The following SYBU variants were observed in gnomAD, a reference collection of about 807,000 sequenced individuals.
The protein encoded by SYBU is GOLSYN A protein.
Under a neutral mutation model 35.9 loss-of-function variants are expected in SYBU, and 21 were observed. The observed-to-expected ratio is 0.58, with a 90% CI of 0.41 to 0.84. SYBU has a LOEUF of 0.84. SYBU is among the 40% of genes least tolerant of loss of function. The pLI is 0.00. For missense variants in SYBU, 768 were observed against 848.2 expected, an observed-to-expected ratio of 0.91 and a Z score of 1.17; for synonymous variants, 319 against 324.3, an observed-to-expected ratio of 0.98 and a Z score of 0.18.
chr8:109,622,181 GTATCTATCTATCTATC>G (rs33965004), intron 2 of SYBU, among the ~76,000 whole-genome samples: 131 of 146,478 alleles, frequency 8.9e-4, no homozygotes, highest in African/African-American at 3.0e-3. Context: ...AATAATATGA[GTATCTATCTATCTATC>G]TATCTATCTA....
intron 1 of SYBU, among the ~76,000 whole-genome samples, chr8:109,658,157 T>C (rs1453179064): frequency 2.0e-5 from 3 of 152,182 alleles, no homozygotes; most frequent in African/African-American, 7.2e-5. Context: ...ATCTTAACTA[T>C]GAGTAGGATG....
chr8:109,661,608 G>A (rs749482035), intron 1 of SYBU, among the ~76,000 whole-genome samples: 1 of 152,186 alleles, frequency 6.6e-6, no homozygotes, highest in African/African-American at 2.4e-5. Context: ...TGAAGTTAAT[G>A]TGAATAGTGC....
intron 2 of SYBU, among the ~76,000 whole-genome samples, chr8:109,626,784 C>T (rs990638760): frequency 6.6e-6 from 1 of 152,152 alleles, no homozygotes; most frequent in Admixed American, 6.5e-5. Flanking sequence ...ATAGTGCATA[C>T]CTGTAGTCCC....
intron 3 of SYBU, chr8:109,607,805 A>AACACACAC (rs1157913419): frequency 0.011 from 3,514 of 331,642 alleles, 23 homozygotes; most frequent in Non-Finnish European, 0.012. Context: ...TACCACAACT[A>AACACACAC]ACTCACACAC....
rs773061900 is a variant in SYBU, at chr8:109,575,145, C to T, written c.1753G>A (p.Glu585Lys). 1.2e-6 allele frequency: 2 copies of T among 1,614,240 alleles called. No homozygotes were observed. Among genetic ancestry groups the T allele is most frequent in the Non-Finnish European group, 1.7e-6 (2 of 1,180,038 alleles). ...RELDFAACVE[E>K]RLDGVIPLAR... ...AGTGGGATGACACCATCCAACCTCT[C>T]TTCCACGCAGGCTGCAAAATCCAGC... The change falls in exon 7 of 7, where the codon GAG becomes AAG. Residue 585 changes from glutamate (E) to lysine (K), a missense_variant. Glu to Lys is a moderately conservative substitution (Grantham distance 56). Transcript: ENST00000276646.
At chr8:109,619,094 G>A in intron 2 of SYBU, 55 bp from the exon 3 acceptor site, 1 of 1,419,774 alleles carries the variant, frequency 7.0e-7, no homozygotes, top group East Asian at 2.3e-5. Flanking sequence ...CAATGATGGT[G>A]AGAAGCCATG....
At position 109,575,342 on chromosome 8, in the gene SYBU, G is replaced by T; in HGVS notation, c.1556C>A (p.Ala519Glu). 1 of 1,614,136 alleles carries T rather than the reference G, an allele frequency of 6.2e-7. No individual in the cohort carries two copies. The highest frequency in any genetic ancestry group is 8.5e-7 in the Non-Finnish European group (1 of 1,180,020). ...GTCTGGTTCAGACTCATCAGGGGAC[G>T]CCAAGCTCGAGGGACAGGGGTCCTG... The part of the protein sequence containing the change: ...KLQDPCPSSL[A>E]SPDESEPDSM... The change falls in exon 7 of 7, where the codon GCG (alanine) becomes GAG (glutamate). Residue 519 changes from alanine (A) to glutamate (E), a missense_variant. Ala to Glu is a moderately radical substitution (Grantham distance 107, BLOSUM62 -1). Coordinates refer to ENST00000276646, the MANE Select transcript of SYBU (RefSeq NM_001099754.2).
intron 2 of SYBU, among the ~76,000 whole-genome samples, chr8:109,638,514 T>G (rs1016853062): frequency 5.3e-5 from 8 of 151,146 alleles, no homozygotes; most frequent in African/African-American, 1.7e-4. Context: ...AAACGCTGGT[T>G]TAAACAAACA....
At chr8:109,663,450 T>C (rs1270727361) in intron 1 of SYBU, among the ~76,000 whole-genome samples, 1 of 152,180 alleles carries the variant, frequency 6.6e-6, no homozygotes, top group African/African-American at 2.4e-5. Context: ...ATAACTTGCA[T>C]AAATATTCCA....
chr8:109,677,063 G>T (rs577449628), intron 1 of SYBU, among the ~76,000 whole-genome samples: 3 of 149,172 alleles, frequency 2.0e-5, no homozygotes, highest in Admixed American at 6.7e-5. Context: ...TGTGAAGGAA[G>T]ATATAGGAAA....
intron 1 of SYBU, among the ~76,000 whole-genome samples, chr8:109,676,351 CT>C (rs1196555595): frequency 6.6e-6 from 1 of 152,160 alleles, no homozygotes; most frequent in African/African-American, 2.4e-5. Flanking sequence ...CAAATTGTCT[CT>C]GTTTGCAGGT....
intron 3 of SYBU, among the ~76,000 whole-genome samples, chr8:109,608,862 G>A (rs990215724): frequency 6.6e-6 from 1 of 152,114 alleles, no homozygotes; most frequent in South Asian, 2.1e-4. Flanking sequence ...TGCCAACACC[G>A]ATTTTTGCTA....
At chr8:109,679,095 C>T (rs769226440) in intron 1 of SYBU, among the ~76,000 whole-genome samples, 2 of 152,148 alleles carry the variant, frequency 1.3e-5, no homozygotes, top group Non-Finnish European at 2.9e-5. Flanking sequence ...TTCTGGTCAT[C>T]CTTACTGCTC....
At chr8:109,645,633 G>GTTTGTTT (rs1815600129), upstream of SYBU, 1 of 217,766 alleles carries the variant, frequency 4.6e-6, no homozygotes, top group African/African-American at 2.7e-5. Flanking sequence ...TTCGTTTTTT[G>GTTTGTTT]TTTTTTTTTT....
intron 2 of SYBU, among the ~76,000 whole-genome samples, chr8:109,629,192 A>G (rs1279084190): frequency 1.3e-5 from 2 of 152,322 alleles, no homozygotes; most frequent in East Asian, 3.9e-4. Context: ...TGGAAGTGCA[A>G]CAGAAACTGC....
rs1822823810 is a variant in SYBU, at chr8:109,579,931, T to A, written c.602A>T (p.Glu201Val). The A allele has an allele frequency of 1.2e-6, 2 of 1,614,020 alleles. No individual in the cohort carries two copies. The highest frequency in any genetic ancestry group is 2.2e-5 in the East Asian group (1 of 44,864). The change falls in exon 5 of 7, where the codon GAA (glutamate) becomes GTA (valine). Residue 201 changes from glutamate to valine, a missense_variant. Physicochemically the swap from Glu to Val is moderately radical, Grantham distance 121. Transcript: ENST00000276646. Reference protein sequence around the residue: ...KPGSSPSSPREKDLLSMLCRN... With the variant: ...KPGSSPSSPRVKDLLSMLCRN... ...GCACAGCATGGACAGAAGGTCCTTT[T>A]CCCGCGGGGATGATGGGCTGCTGCC...
At chr8:109,659,882 T>C (rs895447694) in intron 1 of SYBU, among the ~76,000 whole-genome samples, 1 of 152,190 alleles carries the variant, frequency 6.6e-6, no homozygotes, top group South Asian at 2.1e-4. Flanking sequence ...GGCAGTTTTT[T>C]TAATTTATTG....
intron 3 of SYBU, among the ~76,000 whole-genome samples, chr8:109,596,613 A>G (rs568047311): frequency 2.2e-4 from 33 of 152,356 alleles, no homozygotes; most frequent in African/African-American, 7.5e-4. Flanking sequence ...TGATGTATAT[A>G]CAATCTTTTG....
chr8:109,678,067 G>A (rs1441805269), intron 1 of SYBU, among the ~76,000 whole-genome samples: 1 of 150,160 alleles, frequency 6.7e-6, no homozygotes. Context: ...CCGGGAGGTG[G>A]GGGTCGCGGT....
Sources: allele counts gnomAD v4.1 joint callset (sites outside exome capture counted in the v4.1 genomes callset), GRCh38; gene constraint gnomAD v4.1.1; transcripts MANE v1.5; gene names NCBI Gene and HGNC (gene_info 2026-07-23, HGNC 2026-07-21).